Variants in SPATA1 observed in about 807,000 individuals in gnomAD.
SPATA1 encodes the protein spermatogenesis-associated protein 1.
SPATA1 carries 57 observed loss-of-function variants against 59.6 expected under a neutral mutation model. The ratio of observed to expected loss-of-function variants is 0.96; its 90% CI spans 0.77 to 1.19. The LOEUF is 1.19. SPATA1 is among the 50% of genes most tolerant of loss of function. The pLI is 0.00. For missense variants in SPATA1, 448 were observed against 480.7 expected (o/e 0.93, Z 0.64); for synonymous variants, 147 against 163.9 (o/e 0.90, Z 0.79).
intron 1 of SPATA1, among the ~76,000 whole-genome samples, chr1:84,510,993 G>C (rs149232853): frequency 6.6e-6 from 1 of 152,126 alleles, no homozygotes; most frequent in African/African-American, 2.4e-5. Flanking sequence ...TAGAATGATG[G>C]TTACCAGAGG....
At chr1:84,546,806 T>G (rs897892439) in intron 10 of SPATA1, among the ~76,000 whole-genome samples, 4 of 152,154 alleles carry the variant, frequency 2.6e-5, no homozygotes, top group Admixed American at 2.0e-4. Flanking sequence ...GATATGTGTG[T>G]GTGTGTGCCT....
intron 1 of SPATA1, among the ~76,000 whole-genome samples, chr1:84,514,217 C>A (rs1682700057): frequency 6.6e-6 from 1 of 152,152 alleles, no homozygotes; most frequent in East Asian, 1.9e-4. Flanking sequence ...GTCTAATCCC[C>A]AAGGGCTCAT....
chr1:84,563,037 C>T (rs1307017480), intron 4 of SPATA1, among the ~76,000 whole-genome samples: 1 of 151,926 alleles, frequency 6.6e-6, no homozygotes, highest in African/African-American at 2.4e-5. Flanking sequence ...GACAAGTGGC[C>T]CAAGCAGAGT....
chr1:84,531,612 T>A (rs1446277849), intron 6 of SPATA1, among the ~76,000 whole-genome samples: 1 of 146,206 alleles, frequency 6.8e-6, no homozygotes, highest in Non-Finnish European at 1.5e-5. Context: ...CTTGCTCTGA[T>A]GCCCAGGCTG....
chr1:84,536,064 A>G (rs771594681), intron 8 of SPATA1, among the ~76,000 whole-genome samples: 1 of 152,252 alleles, frequency 6.6e-6, no homozygotes, highest in Non-Finnish European at 1.5e-5. Context: ...AAAGTGTGAC[A>G]TGGGCCAAAA....
chr1:84,544,644 T>A (rs926075247), intron 9 of SPATA1, among the ~76,000 whole-genome samples: 1 of 151,984 alleles, frequency 6.6e-6, no homozygotes, highest in Non-Finnish European at 1.5e-5. Flanking sequence ...CACTGCAACC[T>A]CCGCCTCTCG....
At chr1:84,533,822 C>T (rs1235326475) in intron 8 of SPATA1, 56 bp downstream of exon 8, 4 of 1,075,582 alleles carry the variant, frequency 3.7e-6, no homozygotes, top group Non-Finnish European at 2.7e-6. Flanking sequence ...AATATTTTTA[C>T]TAAGATTAAA....
chr1:84,532,867 A>G, exon 7 of SPATA1: 1 of 1,548,586 alleles, frequency 6.5e-7, no homozygotes, highest in South Asian at 1.2e-5. Context: ...CAGCTGGGGG[A>G]AAAGCCACTG....
At chr1:84,511,142 TAA>T (rs770784361) in intron 1 of SPATA1, among the ~76,000 whole-genome samples, 49 of 152,302 alleles carry the variant, frequency 3.2e-4, no homozygotes, top group Non-Finnish European at 5.9e-4. Context: ...CATTTTAAAA[TAA>T]GAGTATAATT....
intron 7 of SPATA1, 124 bp downstream of exon 7, chr1:84,533,098 A>T (rs906464317): frequency 1.6e-6 from 1 of 619,670 alleles, no homozygotes; most frequent in Non-Finnish European, 2.7e-6. Context: ...TGATATTTTA[A>T]TTAAAATTAC....
In SPATA1 at chr1:84,541,710, TTTG is replaced by T. The variant is rs552765594; in HGVS notation, c.718-2489_718-2487del. On this transcript the variant is annotated intron_variant, in intron 8 of 12. Coordinates refer to ENST00000490879, the Ensembl canonical transcript of SPATA1. ...AAGTTTTTCTCTGCTTCATGGCGTG[TTTG>T]TTTTGATTTTACTGCTCAGTTTTGA... Among the ~76,000 whole-genome samples, 1,287 of 152,264 alleles carry T rather than the reference TTTG, an allele frequency of 8.5e-3. 12 individuals carry two copies. Among genetic ancestry groups the T allele is most frequent in the Non-Finnish European group, 0.015 (1,033 of 68,002 alleles).
At chr1:84,530,278 C>T (rs961584548) in intron 6 of SPATA1, among the ~76,000 whole-genome samples, 10 of 152,194 alleles carry the variant, frequency 6.6e-5, no homozygotes, top group Non-Finnish European at 1.2e-4. Context: ...AGAAGGCCTC[C>T]TTCTCAGAGA....
chr1:84,554,917 TAGCA>T, downstream of SPATA1: 2 of 1,086,016 alleles, frequency 1.8e-6, no homozygotes, highest in Non-Finnish European at 2.7e-6. Context: ...CAAAAGTATA[TAGCA>T]ACATAATAAA....
rs183342607 is a variant in SPATA1 at position 84,547,447 on chromosome 1, G to C, written c.947-1339G>C. Reference sequence around the variant, plus strand: ...ATACAGCAGTGAACAAGACAGACATGGCCATGCCCATAAGGAGCTTGCTTC... The same window carrying C: ...ATACAGCAGTGAACAAGACAGACATCGCCATGCCCATAAGGAGCTTGCTTC... On this transcript the variant is annotated intron_variant, in intron 10 of 12. Transcript: ENST00000490879. Among the ~76,000 whole-genome samples the C allele has an allele frequency of 2.0e-3, 297 of 152,234 alleles. 6 individuals are homozygous for C. Among genetic ancestry groups the C allele is most frequent in the Admixed American group, 0.018 (280 of 15,290 alleles).
At chr1:84,535,602 G>A (rs1037440923) in intron 8 of SPATA1, among the ~76,000 whole-genome samples, 1 of 151,784 alleles carries the variant, frequency 6.6e-6, no homozygotes, top group Non-Finnish European at 1.5e-5. Context: ...CTATAGAATG[G>A]TATTTTAAAA....
intron 8 of SPATA1, among the ~76,000 whole-genome samples, chr1:84,537,252 G>A (rs1355249927): frequency 1.3e-5 from 2 of 152,116 alleles, no homozygotes; most frequent in East Asian, 3.9e-4. Context: ...AGAGAAAACA[G>A]TACCAGAGTG....
At chr1:84,511,062 A>G (rs1682519458) in intron 1 of SPATA1, among the ~76,000 whole-genome samples, 1 of 152,228 alleles carries the variant, frequency 6.6e-6, no homozygotes, top group South Asian at 2.1e-4. Context: ...AATATAAGTT[A>G]GATAAAGTGA....
exon 6 of SPATA1, chr1:84,525,890 G>A (rs1382581693): frequency 1.1e-5 from 17 of 1,613,472 alleles, no homozygotes; most frequent in Non-Finnish European, 1.4e-5. Flanking sequence ...GGACCATTTA[G>A]GAAATGTTTA....
rs55974456 is a variant in SPATA1, at chr1:84,538,573, G to T, written c.717+4807G>T. Among the ~76,000 whole-genome samples the T allele has an allele frequency of 1.2e-3, 189 of 152,260 alleles. 3 individuals carry two copies. The highest frequency in any genetic ancestry group is 5.0e-4 in the Non-Finnish European group (34 of 68,026). ...GCTCCATGGTCTGCGACATGTTGAG[G>T]TATCCCCTTGCCCCAGCTACTATTG... On this transcript the variant is annotated intron_variant, in intron 8 of 12. Coordinates refer to ENST00000490879, the Ensembl canonical transcript of SPATA1.
Sources: gnomAD v4.1 joint callset for allele counts (sites outside exome capture counted in the v4.1 genomes callset) on GRCh38, gnomAD v4.1.1 for gene constraint, MANE v1.5 for transcripts, NCBI Gene and HGNC (gene_info 2026-07-23, HGNC 2026-07-21) for gene names.